MYH11: variants seen among roughly 807,000 people sequenced by gnomAD.
MYH11 encodes the protein myosin-11.
MYH11 carries 80 observed loss-of-function variants against 246.6 expected under a neutral mutation model. The ratio of observed to expected loss-of-function variants is 0.32; its 90% CI spans 0.27 to 0.39. The LOEUF (loss-of-function observed/expected upper bound fraction) is 0.39, where lower values mean the gene tolerates loss of function less well. MYH11 is among the 10% of genes least tolerant of loss of function. The pLI, the probability that MYH11 is intolerant of heterozygous loss-of-function variation, is 1.00. For missense variants in MYH11, 2,158 were observed against 2,546.8 expected (o/e 0.85, Z 3.29); for synonymous variants, 1,071 against 1,015.5 (o/e 1.05, Z -1.04).
chr16:15,775,923 T>G, intron 8 of MYH11, 155 bp downstream of exon 8: 1 of 711,558 alleles, frequency 1.4e-6, no homozygotes, highest in Non-Finnish European at 2.6e-6. Flanking sequence ...CACTCACTCA[T>G]TGGGAGGAGA....
intron 7 of MYH11, among the ~76,000 whole-genome samples, chr16:15,778,077 C>T (rs778325974): frequency 6.6e-6 from 1 of 152,164 alleles, no homozygotes; most frequent in Non-Finnish European, 1.5e-5. Context: ...AGCCTGAGCC[C>T]TAGGGCCGCC....
intron 9 of MYH11, among the ~76,000 whole-genome samples, chr16:15,768,793 G>T (rs1262013418): frequency 6.6e-6 from 1 of 152,028 alleles, no homozygotes; most frequent in Admixed American, 6.6e-5. Flanking sequence ...GCTGCCGAAG[G>T]TGCTGGGCCT....
At chr16:15,725,608 A>T in intron 28 of MYH11, 2 of 405,574 alleles carry the variant, frequency 4.9e-6, no homozygotes, top group Non-Finnish European at 4.4e-6. Context: ...CAAGGAGGAT[A>T]TGAATGATCT....
chr16:15,849,638 A>C (rs2044281512), intron 1 of MYH11, among the ~76,000 whole-genome samples: 1 of 151,980 alleles, frequency 6.6e-6, no homozygotes, highest in East Asian at 1.9e-4. Context: ...TTTTGTAGAG[A>C]CAGGGGTCTC....
At chr16:15,786,298 C>T (rs1567760592) in intron 5 of MYH11, 2 of 432,068 alleles carry the variant, frequency 4.6e-6, no homozygotes, top group South Asian at 4.1e-5. Flanking sequence ...AGGGAAGCCC[C>T]TCCAAGGAAG....
chr16:15,766,943 C>T (rs2041996426), intron 9 of MYH11, among the ~76,000 whole-genome samples: 1 of 152,234 alleles, frequency 6.6e-6, no homozygotes, highest in South Asian at 2.1e-4. Flanking sequence ...AGCACGCGCT[C>T]TGCAGTTAGA....
At chr16:15,787,480 A>ATT (rs1389945504) in intron 4 of MYH11, among the ~76,000 whole-genome samples, 1 of 100,922 alleles carries the variant, frequency 9.9e-6, no homozygotes, top group Non-Finnish European at 2.0e-5. Context: ...GGAATTATCT[A>ATT]CTTTTTTTTT....
intron 40 of MYH11, chr16:15,708,959 T>G: frequency 9.0e-7 from 1 of 1,110,236 alleles, no homozygotes; most frequent in South Asian, 1.3e-5. Context: ...GGCACTCTTT[T>G]TTATTTTGAG....
intron 2 of MYH11, among the ~76,000 whole-genome samples, chr16:15,835,734 G>A (rs938315126): frequency 6.7e-6 from 1 of 148,860 alleles, no homozygotes; most frequent in Non-Finnish European, 1.5e-5. Flanking sequence ...CCCACTCCAT[G>A]AAGCTGGTAC....
chr16:15,762,133 C>T (rs1376237198), intron 10 of MYH11, among the ~76,000 whole-genome samples: 3 of 152,170 alleles, frequency 2.0e-5, no homozygotes, highest in African/African-American at 7.2e-5. Context: ...TGCCACTACG[C>T]CTGGCTAATT....
chr16:15,775,776 G>A, intron 8 of MYH11: 3 of 436,120 alleles, frequency 6.9e-6, no homozygotes, highest in Non-Finnish European at 1.2e-5. Flanking sequence ...TGAAGGCGTA[G>A]ATTGTGTCTA....
intron 27 of MYH11, among the ~76,000 whole-genome samples, chr16:15,729,164 G>T (rs2040885779): frequency 1.3e-5 from 2 of 152,092 alleles, no homozygotes; most frequent in South Asian, 2.1e-4. Flanking sequence ...GGACCCTAGG[G>T]GACATGGGCT....
At chr16:15,732,162 C>T (rs2040983109) in intron 27 of MYH11, among the ~76,000 whole-genome samples, 1 of 152,016 alleles carries the variant, frequency 6.6e-6, no homozygotes, top group South Asian at 2.1e-4. Context: ...AGGGTTTCGC[C>T]ATGTTGGCCA....
intron 24 of MYH11, among the ~76,000 whole-genome samples, chr16:15,738,149 G>T (rs2151245266): frequency 1.3e-5 from 2 of 152,182 alleles, no homozygotes; most frequent in Middle Eastern, 6.8e-3. Flanking sequence ...CATAGAGTTA[G>T]TTGTCACTCA....
chr16:15,719,331 G>T (rs556381580), intron 35 of MYH11, 23 bp from the exon 36 acceptor site: 5 of 1,607,034 alleles, frequency 3.1e-6, no homozygotes, highest in African/African-American at 2.7e-5. Context: ...GAGGAAGGCT[G>T]TTGTCTGCCA....
chr16:15,831,658 G>A (rs1224012273), intron 2 of MYH11, among the ~76,000 whole-genome samples: 1 of 152,148 alleles, frequency 6.6e-6, no homozygotes, highest in African/African-American at 2.4e-5. Context: ...AGATCAGAAG[G>A]CTGGGTGCAG....
chr16:15,759,795 G>A (rs1377544306), intron 11 of MYH11, 67 bp from the exon 12 acceptor site: 18 of 1,593,066 alleles, frequency 1.1e-5, no homozygotes, highest in Non-Finnish European at 8.6e-7. Context: ...AGCCAGGCTG[G>A]TGGTGAAGAT....
intron 2 of MYH11, among the ~76,000 whole-genome samples, chr16:15,831,481 G>GTGTA (rs2043737901): frequency 6.6e-6 from 1 of 151,728 alleles, no homozygotes; most frequent in African/African-American, 2.4e-5. Flanking sequence ...GTGTGTGTGT[G>GTGTA]TGTGTGTGTG....
intron 2 of MYH11, among the ~76,000 whole-genome samples, chr16:15,831,831 G>A (rs1297656201): frequency 6.6e-6 from 1 of 152,044 alleles, no homozygotes; most frequent in Non-Finnish European, 1.5e-5. Context: ...CCCAGCTACT[G>A]GGAGGCTGAG....
Sources: gnomAD v4.1 joint callset for allele counts (sites outside exome capture counted in the v4.1 genomes callset) on GRCh38, gnomAD v4.1.1 for gene constraint, MANE v1.5 for transcripts, NCBI Gene and HGNC (gene_info 2026-07-23, HGNC 2026-07-21) for gene names.